CARMIL2: variants seen among roughly 807,000 people sequenced by gnomAD.
CARMIL2 encodes the protein capping protein regulator and myosin 1 linker 2.
CARMIL2 carries 96 observed loss-of-function variants against 173.3 expected under a neutral mutation model. That is an observed-to-expected ratio of 0.55 (90% CI 0.47 to 0.66). CARMIL2 has a LOEUF of 0.66. Among genes scored for constraint, CARMIL2 ranks in the 30% least tolerant of loss-of-function variants. The pLI is 0.00. For missense variants in CARMIL2, 1,771 were observed against 1,906.7 expected (o/e 0.93, Z 1.33); for synonymous variants, 830 against 817.1 (o/e 1.02, Z -0.27).
chr16:67,646,253 A>T lies in CARMIL2; in HGVS notation c.317A>T (p.Gln106Leu), dbSNP rs1482888447. Residue 106 changes from glutamine to leucine, a missense_variant, in exon 5 of 38, where the codon CAG (glutamine) becomes CTG (leucine). Coordinates refer to ENST00000334583, the MANE Select transcript of CARMIL2 (RefSeq NM_001013838.3). This position sits in a 1 kb window ranked among gnomAD's most constrained non-coding sequence, Gnocchi z 4.6. ...TTTCCTGGTGTGGCCGCCCTGGAAC[A>T]GCTGGCCCAGCACGTGGCTGCAGCC... Reference protein sequence around the residue: ...LEFPGVAALEQLAQHVAAAIK... With the variant: ...LEFPGVAALELLAQHVAAAIK... 6.2e-7 allele frequency: 1 copy of T among 1,613,728 alleles called. No individual in the cohort carries two copies. The highest frequency in any genetic ancestry group is 2.2e-5 in the East Asian group (1 of 44,876).
chr16:67,656,221 C>T lies in CARMIL2; in HGVS notation c.3743-7C>T, dbSNP rs753717039. On this transcript the variant is annotated splice_region_variant and splice_polypyrimidine_tract_variant and intron_variant, in intron 33 of 37. Coordinates refer to ENST00000334583, the MANE Select transcript of CARMIL2 (RefSeq NM_001013838.3). The stretch of plus-strand genomic sequence containing the variant: ...CTGGTACCTGAGTCCCCAGCTCCGC[C>T]TTGCAGGTGACATTATGGACAGTTC... 4 of 1,613,864 alleles carry T rather than the reference C, an allele frequency of 2.5e-6. No individual in the cohort carries two copies. The African/African-American group carries it at 5.3e-5, about 22-fold the overall frequency.
At position 67,657,484 on chromosome 16, in the gene CARMIL2, C is replaced by A; in HGVS notation, c.4274C>A (p.Ala1425Asp). 1 of 1,612,776 alleles carries A rather than the reference C, an allele frequency of 6.2e-7. No homozygotes were observed. Among genetic ancestry groups the A allele is most frequent in the Non-Finnish European group, 8.5e-7 (1 of 1,179,378 alleles). The change falls in exon 38 of 38, where the codon GCC becomes GAC. Residue 1425 changes from alanine to aspartate, a missense_variant. Physicochemically the swap from Ala to Asp is moderately radical, Grantham distance 126 (BLOSUM62 -2). This residue lies in a region of CARMIL2 where 817 missense variants were observed against 903.5 expected (regional missense o/e 0.90). Transcript: ENST00000334583. This position sits in a 1 kb window ranked among gnomAD's most constrained non-coding sequence, Gnocchi z 4.5. ...CCTGAGCGGAGCCCACCCTCCCCAG[C>A]CACAGACCAAAGAGGCGGCGGCCCC... ...SSPERSPPSP[A>D]TDQRGGGPNP
At position 67,656,714 on chromosome 16, in the gene CARMIL2, A is replaced by T. The variant is rs559375893; in HGVS notation, c.4036+69A>T. 3.9e-6 allele frequency: 6 copies of T among 1,557,620 alleles called. No individual in the cohort carries two copies. The South Asian group carries it at 6.8e-5, about 18-fold the overall frequency. ...CTGGAGGAGTTCCTGCTGGGAACTC[A>T]GCTCCTCTAAGGACCCTGAGGGTGG... On this transcript the variant is annotated intron_variant, in intron 35 of 37. Coordinates refer to ENST00000334583, the MANE Select transcript of CARMIL2 (RefSeq NM_001013838.3).
Position 67,650,164 on chromosome 16 carries a change from C to G in CARMIL2, c.2184+14C>G. ...CCCTCAGAGCAGGTCAATGTCCCCTCCCCAACCACGAGAGGTAGGGCATGA... is the reference window on the plus strand; with the variant it reads ...CCCTCAGAGCAGGTCAATGTCCCCTGCCCAACCACGAGAGGTAGGGCATGA... On this transcript the variant is annotated intron_variant, in intron 22 of 37. Transcript: ENST00000334583. The G allele has an allele frequency of 6.2e-7, 1 of 1,600,472 alleles. No homozygotes were observed. Among genetic ancestry groups the G allele is most frequent in the African/African-American group, 1.3e-5 (1 of 74,746 alleles).
In CARMIL2 at chr16:67,656,055, GC is replaced by G. The variant is rs1248132715; in HGVS notation, c.3731del (p.Ala1244ValfsTer53). On this transcript the variant is annotated frameshift_variant, in exon 33 of 38. Coordinates refer to ENST00000334583, the MANE Select transcript of CARMIL2 (RefSeq NM_001013838.3). LOFTEE classifies it high-confidence loss of function. The part of the protein sequence containing the change: ...KQSKDGEIKK[A>X]GSDGDIMDSS... The stretch of plus-strand genomic sequence containing the variant: ...GAGCAAAGATGGCGAGATCAAGAAA[GC>G]TGGCTCAGATGGTAAGTGGGACCCT... 6.2e-7 allele frequency: 1 copy of G among 1,603,122 alleles called. No individual in the cohort carries two copies. The highest frequency in any genetic ancestry group is 8.5e-7 in the Non-Finnish European group (1 of 1,174,800).
At position 67,649,954 on chromosome 16, in the gene CARMIL2, C is replaced by T. The variant is rs771349402; in HGVS notation, c.2068C>T (p.Arg690Cys). The T allele has an allele frequency of 5.6e-6, 9 of 1,613,326 alleles. No homozygotes were observed. The Middle Eastern group carries it at 6.6e-4, about 118-fold the overall frequency. The change falls in exon 21 of 38, where the codon CGT becomes TGT. Residue 690 changes from arginine (R) to cysteine (C), a missense_variant. Physicochemically the swap from Arg to Cys is radical, Grantham distance 180. Coordinates refer to ENST00000334583, the MANE Select transcript of CARMIL2 (RefSeq NM_001013838.3). This position sits in a 1 kb window ranked among gnomAD's most constrained non-coding sequence, Gnocchi z 6.7. ...AQRSRPELTA[R>C]AVHQIQACLL... ...GCGCAGCCGCCCGGAACTGACAGCA[C>T]GTGCAGTCCATCAGGTGGGCGTCCC...
At position 67,651,034 on chromosome 16, in the gene CARMIL2, C is replaced by T. The variant is rs2052712291; in HGVS notation, c.2185-153C>T. On this transcript the variant is annotated intron_variant, in intron 22 of 37. Transcript: ENST00000334583. The surrounding 1 kb of genome is among the most constrained non-coding windows in gnomAD (Gnocchi z 4.2). The stretch of plus-strand genomic sequence containing the variant: ...AAATGAACCAAAGCAACAGATAGTT[C>T]CTTCCCTCCTTGAACAGATAGGGTT... 3.9e-6 allele frequency: 3 copies of T among 778,990 alleles called. No homozygotes were observed. The highest frequency in any genetic ancestry group is 6.0e-6 in the Non-Finnish European group (3 of 498,038). The allele number at this position is 778,990 out of a possible 1,614,324, so 48.3% of individuals were successfully genotyped here. A position where few individuals can be genotyped will look rare whatever the true frequency, so the allele number is the denominator to read the frequency against.
chr16:67,656,756 T>C (rs1476013701), intron 35 of CARMIL2, 45 bp from the exon 36 acceptor site: 1 of 1,548,030 alleles, frequency 6.5e-7, no homozygotes, highest in South Asian at 1.2e-5. Context: ...AGGGCTGGAG[T>C]GGGGGCAGCT....
Position 67,650,157 on chromosome 16 carries a change from G to A in CARMIL2, c.2184+7G>A, listed in dbSNP as rs1230243488. On this transcript the variant is annotated splice_region_variant and intron_variant, in intron 22 of 37. Transcript: ENST00000334583. Reference sequence around the variant, plus strand: ...CTCAGACCCCTCAGAGCAGGTCAATGTCCCCTCCCCAACCACGAGAGGTAG... The same window carrying A: ...CTCAGACCCCTCAGAGCAGGTCAATATCCCCTCCCCAACCACGAGAGGTAG... 4 of 1,606,860 alleles carry A rather than the reference G, an allele frequency of 2.5e-6. No homozygotes were observed. Among genetic ancestry groups the A allele is most frequent in the Non-Finnish European group, 3.4e-6 (4 of 1,177,120 alleles).
intron 33 of CARMIL2, 71 bp from the exon 34 acceptor site, chr16:67,656,157 G>A (rs747996509): frequency 1.2e-6 from 2 of 1,610,732 alleles, no homozygotes; most frequent in South Asian, 2.2e-5. Context: ...TGGGGAGGAA[G>A]GGGAGAGGCC....
At chr16:67,650,353 G>A (rs571333538) in intron 22 of CARMIL2, 5 of 591,078 alleles carry the variant, frequency 8.5e-6, no homozygotes, top group African/African-American at 3.7e-5. Context: ...GCTGCCTAAC[G>A]TTAAGCCTGT....
chr16:67,653,294 G>T lies in CARMIL2; in HGVS notation c.3120+40G>T, dbSNP rs540061633. 603 of 1,023,116 alleles carry T rather than the reference G, an allele frequency of 5.9e-4. 1 individual carries two copies. The African/African-American group carries it at 9.7e-3, about 16-fold the overall frequency. 63.4% of individuals were successfully genotyped at this position (1,023,116 alleles called of 1,614,324 possible). Reference sequence around the variant, plus strand: ...CCCACTCCGGAGCGCGTGGAATTGGGGATCACGGGTGGCCCGGCCGCTCCT... The same window carrying T: ...CCCACTCCGGAGCGCGTGGAATTGGTGATCACGGGTGGCCCGGCCGCTCCT... On this transcript the variant is annotated intron_variant, in intron 29 of 37. Transcript: ENST00000334583. The surrounding 1 kb of genome is among the most constrained non-coding windows in gnomAD (Gnocchi z 7.4).
chr16:67,656,580 G>A lies in CARMIL2; in HGVS notation c.3971G>A (p.Arg1324Lys), dbSNP rs774181218. ...PSPGQSPSPCRTSPSPDSLGL... is the reference protein window; with the variant it reads ...PSPGQSPSPCKTSPSPDSLGL... ...CCTGGTCAAAGCCCAAGTCCCTGCAGAACCAGCCCCTCCCCAGACAGCCTG... is the reference window on the plus strand; with the variant it reads ...CCTGGTCAAAGCCCAAGTCCCTGCAAAACCAGCCCCTCCCCAGACAGCCTG... Residue 1324 changes from arginine to lysine, a missense_variant, in exon 35 of 38, where the codon AGA (arginine) becomes AAA (lysine). By Grantham distance (26) the Arg-to-Lys change is conservative (BLOSUM62 2). Coordinates refer to ENST00000334583, the MANE Select transcript of CARMIL2 (RefSeq NM_001013838.3). The A allele has an allele frequency of 5.6e-6, 9 of 1,612,194 alleles. No homozygotes were observed. The East Asian group carries it at 2.0e-4, about 36-fold the overall frequency.
rs1347147390 is a variant in CARMIL2 at position 67,653,055 on chromosome 16, C to T, written c.2921C>T (p.Ala974Val). 4 of 1,268,544 alleles carry T rather than the reference C, an allele frequency of 3.2e-6. No individual in the cohort carries two copies. Among genetic ancestry groups the T allele is most frequent in the Non-Finnish European group, 4.0e-6 (4 of 996,122 alleles). The allele number at this position is 1,268,544 out of a possible 1,614,324, so 78.6% of individuals were successfully genotyped here. The change falls in exon 29 of 38, where the codon GCG (alanine) becomes GTG (valine). Residue 974 changes from alanine to valine, a missense_variant. Transcript: ENST00000334583. The surrounding 1 kb of genome is among the most constrained non-coding windows in gnomAD (Gnocchi z 7.4). The stretch of plus-strand genomic sequence containing the variant: ...GAAGCGGAGCCGGAGCCCGAGCTGG[C>T]GGCTCCGGGAGAAGATGCAGAGCCG... ...AEEAEPEPEL[A>V]APGEDAEPQA...
chr16:67,652,601 G>GA lies in CARMIL2; in HGVS notation c.2884+64dup, dbSNP rs1218604883. 6.7e-7 allele frequency: 1 copy of GA among 1,490,476 alleles called. No individual in the cohort carries two copies. The highest frequency in any genetic ancestry group is 1.4e-5 in the African/African-American group (1 of 72,424). 92.3% of individuals were successfully genotyped at this position (1,490,476 alleles called of 1,614,324 possible). The stretch of plus-strand genomic sequence containing the variant: ...GGGCTGAAGCTCCATTAGACTTGGG[G>GA]ACCCGGGGACCTGGATGAACTCATT... On this transcript the variant is annotated intron_variant, in intron 28 of 37. Transcript: ENST00000334583. The surrounding 1 kb of genome is among the most constrained non-coding windows in gnomAD (Gnocchi z 4.7).
At position 67,646,970 on chromosome 16, in the gene CARMIL2, G is replaced by A; in HGVS notation, c.608G>A (p.Ser203Asn). 6.2e-7 allele frequency: 1 copy of A among 1,613,176 alleles called. No individual in the cohort carries two copies. Among genetic ancestry groups the A allele is most frequent in the Non-Finnish European group, 8.5e-7 (1 of 1,179,698 alleles). The change falls in exon 8 of 38, where the codon AGT becomes AAT. Residue 203 changes from serine to asparagine, a missense_variant. Ser to Asn is a conservative substitution (Grantham distance 46). Coordinates refer to ENST00000334583, the MANE Select transcript of CARMIL2 (RefSeq NM_001013838.3). This position sits in a 1 kb window ranked among gnomAD's most constrained non-coding sequence, Gnocchi z 4.6. ...FSLGDFSHLGSRDLALSVAAL... is the reference protein window; with the variant it reads ...FSLGDFSHLGNRDLALSVAAL... The stretch of plus-strand genomic sequence containing the variant: ...CTGGGAGACTTCAGCCACCTCGGCA[G>A]TCGGTGTGTGGCCTGCCAGGATGGG...
rs1345419556 is a variant in CARMIL2 at position 67,645,554 on chromosome 16, T to C, written c.55T>C (p.Phe19Leu). 6.2e-7 allele frequency: 1 copy of C among 1,606,618 alleles called. No individual in the cohort carries two copies. Among genetic ancestry groups the C allele is most frequent in the East Asian group, 2.2e-5 (1 of 44,566 alleles). Reference sequence around the variant, plus strand: ...CCCTTCCACAGGCGAGATCACCAGGTTCCTGTGGCCCAAAGAGGTGGAGCT... The same window carrying C: ...CCCTTCCACAGGCGAGATCACCAGGCTCCTGTGGCCCAAAGAGGTGGAGCT... The part of the protein sequence containing the change: ...SCELRGEITR[F>L]LWPKEVELLL... The change falls in exon 2 of 38, where the codon TTC (phenylalanine) becomes CTC (leucine). Residue 19 changes from phenylalanine to leucine, a missense_variant. Phe to Leu is a conservative substitution (Grantham distance 22). Coordinates refer to ENST00000334583, the MANE Select transcript of CARMIL2 (RefSeq NM_001013838.3).
In CARMIL2 at chr16:67,648,381, C is replaced by T; in HGVS notation, c.1335-17C>T. 2 of 1,536,334 alleles carry T rather than the reference C, an allele frequency of 1.3e-6. No individual in the cohort carries two copies. The highest frequency in any genetic ancestry group is 1.2e-5 in the South Asian group (1 of 84,464). ...CGCCTCCTTGCGGCCCCAGGCCCACCTTCCCACTTCCCCCAGGAAGTCCCG... is the reference window on the plus strand; with the variant it reads ...CGCCTCCTTGCGGCCCCAGGCCCACTTTCCCACTTCCCCCAGGAAGTCCCG... On this transcript the variant is annotated splice_polypyrimidine_tract_variant and intron_variant, in intron 14 of 37. Coordinates refer to ENST00000334583, the MANE Select transcript of CARMIL2 (RefSeq NM_001013838.3). The surrounding 1 kb of genome is among the most constrained non-coding windows in gnomAD (Gnocchi z 6.1).
In CARMIL2 at chr16:67,649,156, T is replaced by C. The variant is rs1305169993; in HGVS notation, c.1672T>C (p.Phe558Leu). 3.1e-6 allele frequency: 5 copies of C among 1,613,510 alleles called. No homozygotes were observed. Among genetic ancestry groups the C allele is most frequent in the Non-Finnish European group, 4.2e-6 (5 of 1,179,748 alleles). The change falls in exon 18 of 38, where the codon TTC (phenylalanine) becomes CTC (leucine). Residue 558 changes from phenylalanine (F) to leucine (L), a missense_variant. This residue lies in a region of CARMIL2 where 944 missense variants were observed against 975.6 expected (regional missense o/e 0.97). Coordinates refer to ENST00000334583, the MANE Select transcript of CARMIL2 (RefSeq NM_001013838.3). This position sits in a 1 kb window ranked among gnomAD's most constrained non-coding sequence, Gnocchi z 6.7. ...GAGACATGTGGCGCTTGGAAGGAAC[T>C]TCAACGTCCGGTGCAAGTGAGCCCC... The part of the protein sequence containing the change: ...SLRHVALGRN[F>L]NVRCKETLDD...
Sources: allele counts gnomAD v4.1 joint callset, GRCh38; gene constraint gnomAD v4.1.1; regional missense constraint gnomAD v4.1.1; non-coding constraint Gnocchi (gnomAD v3.1); transcripts MANE v1.5; gene names NCBI Gene and HGNC (gene_info 2026-07-23, HGNC 2026-07-21).